The following B3GALT1 variants were observed in gnomAD, a reference collection of about 807,000 sequenced individuals.
The protein encoded by B3GALT1 is beta-1,3-galactosyltransferase 1, also known as UDP-Gal:betaGlcNAc beta 1,3-galactosyltransferase, polypeptide 1.
B3GALT1 carries 10 observed loss-of-function variants against 23.2 expected under a neutral mutation model. That is an observed-to-expected ratio of 0.43 (90% CI 0.27 to 0.73). B3GALT1 has a LOEUF of 0.73. B3GALT1 is among the 30% of genes least tolerant of loss of function. The pLI is 0.21. For synonymous variants in B3GALT1, 156 were observed against 141.5 expected (o/e 1.10, Z -0.73); for missense variants, 299 against 405.4 (o/e 0.74, Z 2.25).
chr2:167,410,351 C>T (rs911280367), intron 1 of B3GALT1, among the ~76,000 whole-genome samples: 5 of 151,912 alleles, frequency 3.3e-5, no homozygotes, highest in East Asian at 3.9e-4. Flanking sequence ...ATGAGACAGG[C>T]GCAGTGGCAG....
At chr2:167,741,898 A>G (rs1463597381) in intron 3 of B3GALT1, among the ~76,000 whole-genome samples, 2 of 152,232 alleles carry the variant, frequency 1.3e-5, no homozygotes, top group African/African-American at 4.8e-5. Flanking sequence ...TACTGAGAGT[A>G]TATGAAGATA....
At chr2:167,421,289 G>T (rs1698543369) in intron 1 of B3GALT1, among the ~76,000 whole-genome samples, 1 of 152,156 alleles carries the variant, frequency 6.6e-6, no homozygotes. Context: ...GATATTGGCT[G>T]CCACATCAAA....
intron 2 of B3GALT1, among the ~76,000 whole-genome samples, chr2:167,564,713 A>G (rs1385090989): frequency 3.3e-5 from 5 of 152,240 alleles, no homozygotes; most frequent in East Asian, 1.9e-4. Context: ...TTATACACCA[A>G]TAACAGACAG....
chr2:167,423,151 C>G lies in B3GALT1; in HGVS notation c.-510-67026C>G, dbSNP rs562376524. Among the ~76,000 whole-genome samples, 34 of 152,250 alleles carry G rather than the reference C, an allele frequency of 2.2e-4. 1 individual carries two copies. The highest frequency in any genetic ancestry group is 2.1e-3 in the Admixed American group (32 of 15,282). The stretch of plus-strand genomic sequence containing the variant: ...TGTCTGCTATTTACTTCTCCTTTGT[C>G]TCCCTACTCTAACCTGGAGGATCAA... On this transcript the variant is annotated intron_variant, in intron 1 of 4. Transcript: ENST00000392690.
chr2:167,759,509 A>G (rs984173792), intron 3 of B3GALT1, among the ~76,000 whole-genome samples: 8 of 152,204 alleles, frequency 5.3e-5, no homozygotes, highest in African/African-American at 1.9e-4. Context: ...ATAGCGATGT[A>G]TTTTCCAATG....
rs150763083 is a variant in B3GALT1, at chr2:167,644,134, T to C, written c.-409-2775T>C. Among the ~76,000 whole-genome samples, 14 of 152,294 alleles carry C rather than the reference T, an allele frequency of 9.2e-5. No homozygotes were observed. In the East Asian group the frequency reaches 2.1e-3, roughly 23 times the overall value. The stretch of plus-strand genomic sequence containing the variant: ...TGTTTAGAATTGTTAGAAATAATTA[T>C]TTTTTAACATGATAGTTATTAGTTT... On this transcript the variant is annotated intron_variant, in intron 2 of 4. Coordinates refer to ENST00000392690, the MANE Select transcript of B3GALT1 (RefSeq NM_020981.4).
chr2:167,340,324 A>AG (rs1307263383), intron 1 of B3GALT1, among the ~76,000 whole-genome samples: 2 of 151,524 alleles, frequency 1.3e-5, no homozygotes, highest in African/African-American at 2.4e-5. Flanking sequence ...AAAAAAAAAA[A>AG]AAAAAAAAAA....
intron 3 of B3GALT1, among the ~76,000 whole-genome samples, chr2:167,790,209 G>A (rs942409017): frequency 5.9e-5 from 9 of 152,126 alleles, no homozygotes; most frequent in Middle Eastern, 3.4e-3. Context: ...TGTCAGCCCC[G>A]CTTTTGAGAA....
intron 1 of B3GALT1, among the ~76,000 whole-genome samples, chr2:167,466,879 A>AT (rs567975404): frequency 0.14 from 11,746 of 84,946 alleles, 882 homozygotes; most frequent in African/African-American, 0.21. Flanking sequence ...CGCCTGGCTA[A>AT]TTTTTTTTTT....
intron 3 of B3GALT1, among the ~76,000 whole-genome samples, chr2:167,814,291 G>A (rs541134206): frequency 2.6e-5 from 4 of 152,284 alleles, no homozygotes; most frequent in East Asian, 1.9e-4. Flanking sequence ...TGGGAGCTTA[G>A]TTGCCTCTTT....
intron 1 of B3GALT1, among the ~76,000 whole-genome samples, chr2:167,399,923 C>A (rs976186572): frequency 4.6e-5 from 7 of 152,192 alleles, no homozygotes; most frequent in African/African-American, 1.7e-4. Context: ...CTGATAGTTG[C>A]ATGCCAGAAT....
At chr2:167,296,160 C>A (rs1696346616) in intron 1 of B3GALT1, among the ~76,000 whole-genome samples, 2 of 152,138 alleles carry the variant, frequency 1.3e-5, no homozygotes, top group South Asian at 4.1e-4. Flanking sequence ...AGACCCTAGG[C>A]CACTAAATTC....
intron 1 of B3GALT1, among the ~76,000 whole-genome samples, chr2:167,377,931 TTA>T (rs1419853830): frequency 1.3e-5 from 2 of 152,188 alleles, no homozygotes; most frequent in African/African-American, 2.4e-5. Context: ...GGCTATATAC[TTA>T]TTTGTTTTTC....
intron 2 of B3GALT1, among the ~76,000 whole-genome samples, chr2:167,552,361 G>A (rs1683763866): frequency 6.6e-6 from 1 of 152,134 alleles, no homozygotes; most frequent in Non-Finnish European, 1.5e-5. Flanking sequence ...AGGAGACCCA[G>A]ACGTGTACAA....
At chr2:167,467,598 C>T (rs1287691206) in intron 1 of B3GALT1, among the ~76,000 whole-genome samples, 1 of 152,046 alleles carries the variant, frequency 6.6e-6, no homozygotes, top group Non-Finnish European at 1.5e-5. Flanking sequence ...GAGCAGAAGG[C>T]CATTCCGTGG....
chr2:167,542,629 AG>A (rs1350807453), intron 2 of B3GALT1, among the ~76,000 whole-genome samples: 1 of 152,216 alleles, frequency 6.6e-6, no homozygotes, highest in Non-Finnish European at 1.5e-5. Flanking sequence ...CTTGTATAAA[AG>A]GTACTTTATT....
chr2:167,457,200 TCTTA>T (rs1192063483), intron 1 of B3GALT1, among the ~76,000 whole-genome samples: 4 of 151,952 alleles, frequency 2.6e-5, no homozygotes, highest in Non-Finnish European at 5.9e-5. Context: ...TGAGACGGAG[TCTTA>T]CTTTGTCACC....
intron 4 of B3GALT1, among the ~76,000 whole-genome samples, chr2:167,856,364 A>G (rs1419034181): frequency 6.6e-6 from 1 of 152,182 alleles, no homozygotes; most frequent in Non-Finnish European, 1.5e-5. Context: ...GCAGGGCTAT[A>G]AAGTGCATTG....
intron 1 of B3GALT1, among the ~76,000 whole-genome samples, chr2:167,400,157 C>T (rs1289237211): frequency 6.7e-5 from 3 of 44,452 alleles, no homozygotes; most frequent in Non-Finnish European, 2.1e-4. Flanking sequence ...TGAAATTTTA[C>T]ATCTATGTCT....
Sources: allele counts gnomAD v4.1 joint callset (sites outside exome capture counted in the v4.1 genomes callset), GRCh38; gene constraint gnomAD v4.1.1; transcripts MANE v1.5; gene names NCBI Gene and HGNC (gene_info 2026-07-23, HGNC 2026-07-21).